Variants in CHLSN observed in about 807,000 individuals in gnomAD.
The protein encoded by CHLSN is protein cholesin.
chr7:1,050,991 G>A, the CHLSN span, among the ~76,000 whole-genome samples: 2 of 152,256 alleles, frequency 1.3e-5, no homozygotes, highest in South Asian at 4.1e-4. Context: ...GATTGGCTGA[G>A]GTCACCCCAC....
At chr7:1,020,311 C>T in the CHLSN span, among the ~76,000 whole-genome samples, 1 of 152,194 alleles carries the variant, frequency 6.6e-6, no homozygotes, top group African/African-American at 2.4e-5. Flanking sequence ...AGTCCTCCTG[C>T]AGCCTGGGGC....
At chr7:1,028,597 A>C in the CHLSN span, 2 of 980,300 alleles carry the variant, frequency 2.0e-6, no homozygotes, top group Non-Finnish European at 1.2e-6. Context: ...GGGAGGGCGC[A>C]CCCCCGCCCG....
chr7:982,426 C>T, the CHLSN span, among the ~76,000 whole-genome samples: 3 of 152,238 alleles, frequency 2.0e-5, no homozygotes, highest in African/African-American at 2.4e-5. Context: ...CAGGCCCGGC[C>T]GCTTCTGCTG....
the CHLSN span, among the ~76,000 whole-genome samples, chr7:1,130,341 A>G: frequency 2.0e-5 from 3 of 152,182 alleles, 1 homozygote; most frequent in South Asian, 4.2e-4. Context: ...CCCCTGATGG[A>G]GGGGTGCTGG....
chr7:994,473 A>C, the CHLSN span, among the ~76,000 whole-genome samples: 1 of 151,600 alleles, frequency 6.6e-6, no homozygotes, highest in African/African-American at 2.4e-5. Flanking sequence ...CACCGCACTA[A>C]ATTTTTTTTA....
chr7:984,999 G>A, the CHLSN span: 7 of 1,610,906 alleles, frequency 4.3e-6, no homozygotes, highest in South Asian at 3.3e-5. Context: ...GCCAGTTCAC[G>A]GTGCGTGCCC....
chr7:1,071,460 TG>T, the CHLSN span, among the ~76,000 whole-genome samples: 1 of 151,832 alleles, frequency 6.6e-6, no homozygotes, highest in East Asian at 1.9e-4. Flanking sequence ...TGGGCACTGG[TG>T]GGGGCAGCTG....
the CHLSN span, among the ~76,000 whole-genome samples, chr7:1,068,279 C>T: frequency 3.2e-4 from 48 of 152,244 alleles, no homozygotes; most frequent in African/African-American, 1.0e-3. Context: ...GAGGCTGGAA[C>T]CCAGGTGTCA....
chr7:1,114,079 G>C, the CHLSN span, among the ~76,000 whole-genome samples: 47 of 152,340 alleles, frequency 3.1e-4, no homozygotes, highest in African/African-American at 1.1e-3. Context: ...GTGCAGCGGT[G>C]CCCATGGCAA....
chr7:991,734 C>CGAA, the CHLSN span, among the ~76,000 whole-genome samples: 2 of 152,214 alleles, frequency 1.3e-5, no homozygotes, highest in African/African-American at 2.4e-5. Flanking sequence ...GAAAATTCAC[C>CGAA]ATCAGCCATG....
At chr7:1,082,802 A>G in the CHLSN span, among the ~76,000 whole-genome samples, 29,673 of 152,218 alleles carry the variant, frequency 0.19, 3,309 homozygotes, top group Middle Eastern at 0.34. Flanking sequence ...ACCAAGGGGA[A>G]GATCCAGCGC....
chr7:1,020,344 G>C, the CHLSN span, among the ~76,000 whole-genome samples: 1 of 152,140 alleles, frequency 6.6e-6, no homozygotes, highest in South Asian at 2.1e-4. Flanking sequence ...GCCCACCAAA[G>C]GGGAGGCCCG....
chr7:982,441 C>A, the CHLSN span, among the ~76,000 whole-genome samples: 1 of 152,256 alleles, frequency 6.6e-6, no homozygotes, highest in African/African-American at 2.4e-5. Context: ...CTGCTGCCAG[C>A]AGCCCTCCCA....
At chr7:1,106,564 G>A in the CHLSN span, among the ~76,000 whole-genome samples, 1 of 152,224 alleles carries the variant, frequency 6.6e-6, no homozygotes, top group African/African-American at 2.4e-5. Flanking sequence ...GTCAGGAGGA[G>A]CCCGGCCCAC....
chr7:1,071,662 G>A, the CHLSN span, among the ~76,000 whole-genome samples: 1 of 152,226 alleles, frequency 6.6e-6, no homozygotes, highest in Non-Finnish European at 1.5e-5. Flanking sequence ...AAAGGCACCG[G>A]GTGGGAGGGG....
chr7:1,076,752 G>C, the CHLSN span, among the ~76,000 whole-genome samples: 1 of 152,238 alleles, frequency 6.6e-6, no homozygotes, highest in African/African-American at 2.4e-5. Context: ...ACTCTTCCCA[G>C]CCCAGCGCCA....
chr7:1,090,910 GC>G, the CHLSN span, among the ~76,000 whole-genome samples: 2 of 152,162 alleles, frequency 1.3e-5, no homozygotes, highest in Non-Finnish European at 2.9e-5. Context: ...TGAGGAAACC[GC>G]TGAACTTCTG....
At chr7:1,016,944 A>G in the CHLSN span, among the ~76,000 whole-genome samples, 17 of 102,652 alleles carry the variant, frequency 1.7e-4, no homozygotes, top group African/African-American at 4.5e-4. Context: ...ACACGCCAGC[A>G]CACGCCAGCG....
At chr7:986,241 C>G in the CHLSN span, among the ~76,000 whole-genome samples, 1 of 152,206 alleles carries the variant, frequency 6.6e-6, no homozygotes, top group South Asian at 2.1e-4. Flanking sequence ...GCTCACCCCT[C>G]AGATACAGCC....
Sources: gnomAD v4.1 joint callset for allele counts (sites outside exome capture counted in the v4.1 genomes callset) on GRCh38, gnomAD v4.1.1 for gene constraint, MANE v1.5 for transcripts, NCBI Gene and HGNC (gene_info 2026-07-23, HGNC 2026-07-21) for gene names.